DCLK2: variants seen among roughly 807,000 people sequenced by gnomAD.
DCLK2 encodes the protein serine/threonine-protein kinase DCLK2.
DCLK2 carries 31 observed loss-of-function variants against 78.4 expected under a neutral mutation model. The observed-to-expected ratio is 0.40, with a 90% confidence interval of 0.30 to 0.53. The LOEUF (loss-of-function observed/expected upper bound fraction) is 0.53. Ranked by LOEUF, DCLK2 falls within the 20% of genes least tolerant of loss-of-function variation. DCLK2 has a pLI of 0.61. For missense variants in DCLK2, 872 were observed against 973.7 expected, an observed-to-expected ratio of 0.90 and a Z score of 1.39; for synonymous variants, 407 against 374.9, an observed-to-expected ratio of 1.09 and a Z score of -0.99.
At chr4:150,233,915 G>A (rs984988375) in intron 10 of DCLK2, among the ~76,000 whole-genome samples, 6 of 152,124 alleles carry the variant, frequency 3.9e-5, no homozygotes, top group Non-Finnish European at 8.8e-5. Flanking sequence ...CTGGTTGGGG[G>A]ATTTGACATT....
intron 5 of DCLK2, among the ~76,000 whole-genome samples, chr4:150,210,405 C>T (rs1012481643): frequency 2.0e-5 from 3 of 152,118 alleles, no homozygotes; most frequent in African/African-American, 4.8e-5. Context: ...TTATTACCTC[C>T]TCTGCTTTTC....
At chr4:150,092,048 T>C (rs1334840740) in intron 1 of DCLK2, among the ~76,000 whole-genome samples, 1 of 152,156 alleles carries the variant, frequency 6.6e-6, no homozygotes, top group East Asian at 1.9e-4. Context: ...CCTATGTAAG[T>C]GAAGCCATGC....
At chr4:150,085,118 T>C (rs979577431) in intron 1 of DCLK2, among the ~76,000 whole-genome samples, 2 of 152,176 alleles carry the variant, frequency 1.3e-5, no homozygotes, top group African/African-American at 4.8e-5. Flanking sequence ...ATTGTACCAA[T>C]GTAAGAGGTA....
At chr4:150,185,789 C>G (rs1248193108) in intron 2 of DCLK2, among the ~76,000 whole-genome samples, 1 of 151,840 alleles carries the variant, frequency 6.6e-6, no homozygotes, top group African/African-American at 2.4e-5. Flanking sequence ...TAATAGATAC[C>G]AAATAGGGAA....
chr4:150,085,928 T>G lies in DCLK2; in HGVS notation c.421+6480T>G, dbSNP rs149269033. On this transcript the variant is annotated intron_variant, in intron 1 of 15. Coordinates refer to ENST00000296550, the MANE Select transcript of DCLK2 (RefSeq NM_001040260.4). ...AAAGTTCAGTGATCTTGGGAAATGC[T>G]TCTAGGGGTGGGAAAGAGAAATGAT... is the stretch of plus-strand genomic sequence containing the variant. 3.3e-5 allele frequency among the ~76,000 whole-genome samples: 5 copies of G among 152,372 alleles called. 1 individual carries two copies. The East Asian group carries it at 9.6e-4, about 29-fold the overall frequency.
Position 150,079,011 on chromosome 4 carries a change from C to G in DCLK2, c.-17C>G. On this transcript the variant is annotated 5_prime_UTR_variant, in exon 1 of 16. Coordinates refer to ENST00000296550, the MANE Select transcript of DCLK2 (RefSeq NM_001040260.4). ...GGCCCGGAACGTCTTTTTGCGGACG[C>G]CCTCGGAGCAGCCGCGATGGCCAGC... The G allele has an allele frequency of 6.6e-7, 1 of 1,516,902 alleles. No individual in the cohort carries two copies. Among genetic ancestry groups the G allele is most frequent in the Non-Finnish European group, 8.8e-7 (1 of 1,136,640 alleles). 94.0% of individuals were successfully genotyped at this position (1,516,902 alleles called of 1,614,324 possible).
intron 2 of DCLK2, among the ~76,000 whole-genome samples, chr4:150,128,606 A>G (rs1281741686): frequency 6.6e-6 from 1 of 152,176 alleles, no homozygotes; most frequent in Non-Finnish European, 1.5e-5. Context: ...GTTTTAGACA[A>G]TATTATTTCA....
chr4:150,227,397 T>C (rs1367769214), intron 8 of DCLK2, among the ~76,000 whole-genome samples: 1 of 152,174 alleles, frequency 6.6e-6, no homozygotes, highest in South Asian at 2.1e-4. Flanking sequence ...CTGCAAAGAA[T>C]GTTGGAGTTC....
At position 150,256,313 on chromosome 4, in the gene DCLK2, C is replaced by G; in HGVS notation, c.*66C>G. 1 of 1,443,332 alleles carries G rather than the reference C, an allele frequency of 6.9e-7. No homozygotes were observed. Among genetic ancestry groups the G allele is most frequent in the Non-Finnish European group, 9.1e-7 (1 of 1,102,292 alleles). 89.4% of individuals were successfully genotyped at this position (1,443,332 alleles called of 1,614,324 possible). A position where few individuals can be genotyped will look rare whatever the true frequency, so the allele number is the denominator to read the frequency against. On this transcript the variant is annotated 3_prime_UTR_variant, in exon 16 of 16. Coordinates refer to ENST00000296550, the MANE Select transcript of DCLK2 (RefSeq NM_001040260.4). ...AAGCCAGCCCTCTGCTCGGCCTCGC[C>G]GGCCTCCCTGCTGCAGGCCTCCCTC...
intron 4 of DCLK2, chr4:150,199,088 G>T: frequency 6.3e-7 from 1 of 1,594,936 alleles, no homozygotes; most frequent in Non-Finnish European, 8.5e-7. Context: ...GGTGAGCCAT[G>T]ACTATTGTGG....
At chr4:150,180,817 A>G (rs1383519075) in intron 2 of DCLK2, among the ~76,000 whole-genome samples, 5 of 152,298 alleles carry the variant, frequency 3.3e-5, no homozygotes, top group South Asian at 4.1e-4. Flanking sequence ...AAGGCCAGCC[A>G]TAAAACCTGA....
chr4:150,158,794 T>G (rs1735502415), intron 2 of DCLK2, among the ~76,000 whole-genome samples: 1 of 151,992 alleles, frequency 6.6e-6, no homozygotes, highest in Non-Finnish European at 1.5e-5. Flanking sequence ...GAATTGGATT[T>G]TTGAATATAG....
At chr4:150,101,888 A>G (rs1289567804) in intron 1 of DCLK2, among the ~76,000 whole-genome samples, 1 of 152,180 alleles carries the variant, frequency 6.6e-6, no homozygotes, top group Admixed American at 6.5e-5. Flanking sequence ...GCTGAGGTAT[A>G]TTTCTTTTAG....
intron 15 of DCLK2, among the ~76,000 whole-genome samples, chr4:150,252,298 C>G (rs1234321928): frequency 6.6e-6 from 1 of 152,188 alleles, no homozygotes; most frequent in Non-Finnish European, 1.5e-5. Flanking sequence ...TAAAAATTGG[C>G]ATACTCAACG....
chr4:150,117,821 G>T (rs533763872), intron 2 of DCLK2, among the ~76,000 whole-genome samples: 1 of 152,250 alleles, frequency 6.6e-6, no homozygotes, highest in East Asian at 1.9e-4. Flanking sequence ...CAGTTTTCAT[G>T]TTAAGTTCCT....
rs573846121 is a variant in DCLK2, at chr4:150,125,567, A to G, written c.756+22755A>G. On this transcript the variant is annotated intron_variant, in intron 2 of 15. Transcript: ENST00000296550. The stretch of plus-strand genomic sequence containing the variant: ...CAAAATTGTCTACCCTATGTTTATA[A>G]CTATCTAAAAATGACTATCTAAAAA... Among the ~76,000 whole-genome samples the G allele has an allele frequency of 3.3e-5, 5 of 152,302 alleles. No individual in the cohort carries two copies. In the South Asian group the frequency reaches 1.0e-3, roughly 32 times the overall value.
Position 150,256,363 on chromosome 4 carries a change from G to A in DCLK2, c.*116G>A, listed in dbSNP as rs1275305788. On this transcript the variant is annotated 3_prime_UTR_variant, in exon 16 of 16. Transcript: ENST00000296550. ...CTCTTCACCGCCTGCGCCTGAGTTC[G>A]CGGGTCCTCCGCAGGCCGCCTGGGA... is the stretch of plus-strand genomic sequence containing the variant. The A allele has an allele frequency of 9.4e-6, 13 of 1,378,580 alleles. No individual in the cohort carries two copies. The Middle Eastern group carries it at 7.9e-4, about 84-fold the overall frequency. 85.4% of individuals were successfully genotyped at this position (1,378,580 alleles called of 1,614,324 possible). A position where few individuals can be genotyped will look rare whatever the true frequency, so the allele number is the denominator to read the frequency against.
intron 15 of DCLK2, chr4:150,253,870 G>A (rs1744366830): frequency 2.0e-6 from 2 of 985,480 alleles, no homozygotes; most frequent in African/African-American, 3.5e-5. Flanking sequence ...AGCAGCTTAA[G>A]ATGGTGCCTT....
chr4:150,253,177 A>G (rs987781310), intron 15 of DCLK2: 6 of 483,066 alleles, frequency 1.2e-5, no homozygotes, highest in South Asian at 3.0e-5. Context: ...AAGTGTTTTT[A>G]CATTAAAAAT....
Sources: allele counts gnomAD v4.1 joint callset (sites outside exome capture counted in the v4.1 genomes callset), GRCh38; gene constraint gnomAD v4.1.1; transcripts MANE v1.5; gene names NCBI Gene and HGNC (gene_info 2026-07-23, HGNC 2026-07-21).